Variants in MEGF6 observed in about 807,000 individuals in gnomAD.
MEGF6 encodes the protein multiple EGF like domains 6, also known as multiple epidermal growth factor-like domains protein 6.
A neutral mutation model predicts 207.1 loss-of-function variants in MEGF6; 184 were observed. The observed-to-expected ratio is 0.89, with a 90% CI of 0.79 to 1.00. The LOEUF is 1.00. MEGF6 is among the 50% of genes least tolerant of loss of function. The pLI, the probability that MEGF6 is intolerant of heterozygous loss-of-function variation, is 0.00. For missense variants in MEGF6, 2,282 were observed against 2,202.9 expected (o/e 1.04, Z -0.72); for synonymous variants, 1,038 against 910.0 (o/e 1.14, Z -2.53).
chr1:3,553,236 G>A (rs772799491), intron 4 of MEGF6, among the ~76,000 whole-genome samples: 32 of 150,264 alleles, frequency 2.1e-4, no homozygotes, highest in South Asian at 4.2e-4. Context: ...ACGGCCGATC[G>A]GCTTTCCCAC....
Position 3,573,862 on chromosome 1 carries a change from G to A in MEGF6, c.481+5963C>T, listed in dbSNP as rs1643575298. On this transcript the variant is annotated intron_variant, in intron 4 of 36. Coordinates refer to ENST00000356575, the MANE Select transcript of MEGF6 (RefSeq NM_001409.4). This position sits in a 1 kb window ranked among gnomAD's most constrained non-coding sequence, Gnocchi z 5.1. Reference sequence around the variant, plus strand: ...GCAGCATTGAAAGGCAGTGGGGAGGGCCGCTTCCTCTCCATTAATCAATGG... The same window carrying A: ...GCAGCATTGAAAGGCAGTGGGGAGGACCGCTTCCTCTCCATTAATCAATGG... Among the ~76,000 whole-genome samples the A allele has an allele frequency of 6.6e-6, 1 of 152,142 alleles. No homozygotes were observed. Among genetic ancestry groups the A allele is most frequent in the Admixed American group, 6.5e-5 (1 of 15,278 alleles).
the MEGF6 span, among the ~76,000 whole-genome samples, chr1:3,622,017 G>A: frequency 6.6e-6 from 1 of 152,214 alleles, no homozygotes. Flanking sequence ...ATAGGCAGAA[G>A]GGACTTTGTC....
Position 3,490,959 on chromosome 1 carries a change from C to T in MEGF6, c.4517G>A (p.Gly1506Asp). The change falls in exon 36 of 37, where the codon GGT (glycine) becomes GAT (aspartate). Residue 1506 changes from glycine to aspartate, a missense_variant and splice_region_variant. By Grantham distance (94) the Gly-to-Asp change is moderately conservative. Coordinates refer to ENST00000356575, the MANE Select transcript of MEGF6 (RefSeq NM_001409.4). ...GTTCTCGGGGAGCCGGAGGGGCCCA[C>T]CTGGAGGGGAGAGAGAGCAGGCCAT... ...DGYMGPTCREGGPLRLPENPS... is the reference protein window; with the variant it reads ...DGYMGPTCREDGPLRLPENPS... 7.5e-6 allele frequency: 12 copies of T among 1,598,416 alleles called. No homozygotes were observed. Among genetic ancestry groups the T allele is most frequent in the Non-Finnish European group, 9.4e-6 (11 of 1,175,272 alleles).
At chr1:3,524,006 G>A (rs894973399) in intron 5 of MEGF6, 118 bp downstream of exon 5, 6 of 1,189,956 alleles carry the variant, frequency 5.0e-6, no homozygotes. Flanking sequence ...GCCACTGCCA[G>A]AGCGGCCTCT....
chr1:3,505,061 A>ACACCGGTAGCAAGGCAC (rs148387225), intron 17 of MEGF6, 147 bp downstream of exon 17: 2 of 1,052,898 alleles, frequency 1.9e-6, no homozygotes, highest in African/African-American at 1.8e-5. Context: ...TAGCAAGGCA[A>ACACCGGTAGCAAGGCAC]CACCGGTAGC....
chr1:3,502,864 G>A (rs1640959692), intron 17 of MEGF6, among the ~76,000 whole-genome samples: 1 of 152,184 alleles, frequency 6.6e-6, no homozygotes, highest in Non-Finnish European at 1.5e-5. Context: ...AGGCTAGCCG[G>A]GAGCTCGGGT....
intron 4 of MEGF6, among the ~76,000 whole-genome samples, chr1:3,548,330 G>A (rs781777165): frequency 6.6e-6 from 1 of 152,244 alleles, no homozygotes; most frequent in African/African-American, 2.4e-5. Flanking sequence ...GAAGAGCCCC[G>A]GGCGGGGCCA....
At chr1:3,524,503 C>A (rs951249208) in intron 4 of MEGF6, among the ~76,000 whole-genome samples, 1 of 152,200 alleles carries the variant, frequency 6.6e-6, no homozygotes, top group African/African-American at 2.4e-5. Flanking sequence ...CAGAGGGCTC[C>A]AAGGACAGGC....
chr1:3,618,035 G>T, the MEGF6 span, among the ~76,000 whole-genome samples: 2 of 152,126 alleles, frequency 1.3e-5, no homozygotes, highest in East Asian at 3.9e-4. The surrounding 1 kb of genome is among the most constrained non-coding windows in gnomAD (Gnocchi z 4.7). Flanking sequence ...CCCTGCCCTG[G>T]GGCAGCGACA....
chr1:3,567,072 T>C (rs1643362047), intron 4 of MEGF6, among the ~76,000 whole-genome samples: 1 of 152,230 alleles, frequency 6.6e-6, no homozygotes, highest in African/African-American at 2.4e-5. Context: ...ACTTGGGGCC[T>C]GCTGCTGCCC....
intron 5 of MEGF6, among the ~76,000 whole-genome samples, chr1:3,523,771 C>T (rs1035477786): frequency 1.3e-5 from 2 of 152,224 alleles, no homozygotes; most frequent in Admixed American, 6.5e-5. Context: ...CTGATAACCA[C>T]GGCAGCTTCT....
chr1:3,497,585 C>T (rs1640666182), intron 26 of MEGF6: 1 of 704,358 alleles, frequency 1.4e-6, no homozygotes, highest in African/African-American at 1.8e-5. Context: ...GGCACAGCGC[C>T]CCTCACAGTG....
At chr1:3,513,973 G>A (rs940838538) in intron 7 of MEGF6, among the ~76,000 whole-genome samples, 1 of 151,978 alleles carries the variant, frequency 6.6e-6, no homozygotes, top group Admixed American at 6.5e-5. Context: ...TTTAGGCCAG[G>A]TGCAGTGGCT....
In MEGF6 at chr1:3,502,050, C is replaced by CCTCACATG. The variant is rs1640912825; in HGVS notation, c.2189-130_2189-129insCATGTGAG. On this transcript the variant is annotated intron_variant, in intron 17 of 36. Coordinates refer to ENST00000356575, the MANE Select transcript of MEGF6 (RefSeq NM_001409.4). Reference sequence around the variant, plus strand: ...TGGGCTCCTGGCGAGTGTGCCCCCCCGGCGCCTCCTCACATGGGCTCCTGG... The same window carrying CCTCACATG: ...TGGGCTCCTGGCGAGTGTGCCCCCCCCTCACATGGGCGCCTCCTCACATGGGCTCCTGG... The CCTCACATG allele has an allele frequency of 2.0e-3, 77 of 38,106 alleles. 6 individuals are homozygous for CCTCACATG. Among genetic ancestry groups the CCTCACATG allele is most frequent in the Non-Finnish European group, 2.8e-3 (65 of 23,402 alleles). 2.4% of individuals were successfully genotyped at this position (38,106 alleles called of 1,614,324 possible).
intron 12 of MEGF6, among the ~76,000 whole-genome samples, 176 bp downstream of exon 12, chr1:3,508,899 G>T (rs187487926): frequency 6.6e-5 from 10 of 152,316 alleles, no homozygotes; most frequent in African/African-American, 1.7e-4. Context: ...GGCTCAGCCC[G>T]CACGAGCTGC....
Position 3,576,116 on chromosome 1 carries a change from G to A in MEGF6, c.481+3709C>T, listed in dbSNP as rs535803585. The stretch of plus-strand genomic sequence containing the variant: ...ACAAAATGAGCGGCTGGCCCTGACT[G>A]TGACTGCGCCGAGGCCTGCACTGGG... On this transcript the variant is annotated intron_variant, in intron 4 of 36. Coordinates refer to ENST00000356575, the MANE Select transcript of MEGF6 (RefSeq NM_001409.4). Among the ~76,000 whole-genome samples, 4 of 152,374 alleles carry A rather than the reference G, an allele frequency of 2.6e-5. No individual in the cohort carries two copies. The South Asian group carries it at 8.3e-4, about 32-fold the overall frequency.
intron 17 of MEGF6, among the ~76,000 whole-genome samples, chr1:3,503,232 G>T (rs959875693): frequency 2.0e-5 from 3 of 152,186 alleles, no homozygotes; most frequent in African/African-American, 7.2e-5. Context: ...GGGACTACAG[G>T]CCTGGCACTC....
At chr1:3,586,841 T>G (rs1010933054) in intron 3 of MEGF6, among the ~76,000 whole-genome samples, 4 of 152,160 alleles carry the variant, frequency 2.6e-5, no homozygotes, top group Non-Finnish European at 5.9e-5. Flanking sequence ...CCCGCCGGCC[T>G]GATGGTCCAA....
intron 4 of MEGF6, among the ~76,000 whole-genome samples, chr1:3,557,956 G>A (rs1210296860): frequency 6.6e-6 from 1 of 152,196 alleles, no homozygotes; most frequent in African/African-American, 2.4e-5. Context: ...GTTGTTGGGT[G>A]GTCTGCTGTG....
Sources: gnomAD v4.1 joint callset for allele counts (sites outside exome capture counted in the v4.1 genomes callset) on GRCh38, gnomAD v4.1.1 for gene constraint, Gnocchi (gnomAD v3.1) non-coding constraint, MANE v1.5 for transcripts, NCBI Gene and HGNC (gene_info 2026-07-23, HGNC 2026-07-21) for gene names.